Variants in DOCK9 observed in about 807,000 individuals in gnomAD.
DOCK9 encodes dedicator of cytokinesis 9, also known as dedicator of cytokinesis protein 9.
DOCK9 carries 89 observed loss-of-function variants against 263.3 expected under a neutral mutation model. The ratio of observed to expected loss-of-function variants is 0.34; its 90% confidence interval spans 0.28 to 0.40. The LOEUF is 0.40. Among genes scored for constraint, DOCK9 ranks in the 10% least tolerant of loss-of-function variants. DOCK9 has a pLI of 1.00. For synonymous variants in DOCK9, 976 were observed against 973.1 expected, an observed-to-expected ratio of 1.00 and a Z score of -0.06; for missense variants, 2,140 against 2,603.4, an observed-to-expected ratio of 0.82 and a Z score of 3.87.
intron 3 of DOCK9, among the ~76,000 whole-genome samples, chr13:98,926,883 A>G (rs2053057520): frequency 6.6e-6 from 1 of 152,248 alleles, no homozygotes; most frequent in African/African-American, 2.4e-5. Context: ...AACATGAACA[A>G]CGTCTCTATT....
exon 1 of DOCK9, chr13:99,086,547 A>C: frequency 5.3e-6 from 1 of 189,346 alleles, no homozygotes; most frequent in Non-Finnish European, 9.6e-6. Context: ...TCACGCCCCA[A>C]GGCGCCCCCC....
chr13:98,893,902 C>T (rs2046998657), intron 15 of DOCK9, among the ~76,000 whole-genome samples: 1 of 152,204 alleles, frequency 6.6e-6, no homozygotes, highest in South Asian at 2.1e-4. Context: ...TCTATGCTGT[C>T]ACCATCGGAT....
At chr13:99,006,504 C>A (rs1162364927) in intron 1 of DOCK9, among the ~76,000 whole-genome samples, 4 of 152,148 alleles carry the variant, frequency 2.6e-5, no homozygotes, top group Non-Finnish European at 5.9e-5. Flanking sequence ...GAATACTATA[C>A]ATATGTTAAA....
chr13:98,996,818 G>C (rs571414748), intron 1 of DOCK9, among the ~76,000 whole-genome samples: 1 of 152,292 alleles, frequency 6.6e-6, no homozygotes, highest in Non-Finnish European at 1.5e-5. Flanking sequence ...ACCTTCCTTG[G>C]TTTTATTGTT....
At chr13:98,840,434 G>T (rs577361006) in intron 38 of DOCK9, among the ~76,000 whole-genome samples, 136 of 152,214 alleles carry the variant, frequency 8.9e-4, no homozygotes, top group Non-Finnish European at 1.7e-3. Flanking sequence ...ACGGTCCTTC[G>T]GATTCACTGC....
At chr13:98,973,892 G>A (rs999142890) in intron 1 of DOCK9, among the ~76,000 whole-genome samples, 20 of 152,192 alleles carry the variant, frequency 1.3e-4, no homozygotes, top group East Asian at 3.9e-4. Context: ...CACAGTGCCC[G>A]CTGATCCTTT....
chr13:99,075,355 CTTT>C (rs142464481), intron 1 of DOCK9, among the ~76,000 whole-genome samples: 3 of 121,974 alleles, frequency 2.5e-5, no homozygotes, highest in Non-Finnish European at 5.0e-5. Context: ...AGCTGTAGTA[CTTT>C]TTTTTTTTTT....
intron 1 of DOCK9, among the ~76,000 whole-genome samples, chr13:99,005,738 A>G (rs2141877460): frequency 6.6e-6 from 1 of 152,328 alleles, no homozygotes; most frequent in Admixed American, 6.5e-5. Flanking sequence ...GTCAGCTGAT[A>G]ATATTTATCA....
At chr13:99,066,064 A>C (rs2041400949) in intron 1 of DOCK9, among the ~76,000 whole-genome samples, 1 of 152,244 alleles carries the variant, frequency 6.6e-6, no homozygotes, top group South Asian at 2.1e-4. Flanking sequence ...CATGACCCAC[A>C]CACGTCCTGA....
intron 1 of DOCK9, among the ~76,000 whole-genome samples, chr13:98,999,972 T>G (rs758535008): frequency 1.3e-4 from 20 of 152,090 alleles, no homozygotes; most frequent in Non-Finnish European, 2.2e-4. Flanking sequence ...GGCAAAGAAC[T>G]GGTTAAAAAA....
Position 99,038,092 on chromosome 13 carries a change from C to T in DOCK9, c.129+48131G>A, listed in dbSNP as rs537827138. 5.0e-4 allele frequency among the ~76,000 whole-genome samples: 76 copies of T among 152,094 alleles called. 1 individual carries two copies. The highest frequency in any genetic ancestry group is 4.9e-3 in the Admixed American group (75 of 15,272). On this transcript the variant is annotated intron_variant, in intron 1 of 32. Transcript: ENST00000427887. ...TTTTAAATATGTGCAGTTTAATGTACATCAATTATCATCAATAAAGTGATT... is the reference window on the plus strand; with the variant it reads ...TTTTAAATATGTGCAGTTTAATGTATATCAATTATCATCAATAAAGTGATT...
At chr13:98,973,286 A>G (rs1423625731) in intron 1 of DOCK9, among the ~76,000 whole-genome samples, 2 of 152,186 alleles carry the variant, frequency 1.3e-5, no homozygotes, top group African/African-American at 4.8e-5. Context: ...ATCATTGCCC[A>G]TAAGCTTATA....
chr13:99,022,012 T>C (rs544879161), intron 1 of DOCK9, among the ~76,000 whole-genome samples: 22 of 152,302 alleles, frequency 1.4e-4, no homozygotes, highest in African/African-American at 5.1e-4. Context: ...TAAGAAAGTA[T>C]TATTAAATAA....
chr13:98,977,904 C>G lies in DOCK9; in HGVS notation c.6G>C (p.Gln2His). ...TACTACTTGTCCTGCATTTATCAGC[C>G]TGCATTCTCGGCTGAAAACGCAAGT... The part of the protein sequence containing the change: M[Q>H]ADKCRTSSRS... The change falls in exon 1 of 53, where the codon CAG (glutamine) becomes CAC (histidine). Residue 2 changes from glutamine to histidine, a missense_variant. Gln to His is a conservative substitution (Grantham distance 24). Coordinates refer to ENST00000682017, the MANE Select transcript of DOCK9 (RefSeq NM_001366683.2). The G allele has an allele frequency of 6.3e-7, 1 of 1,587,584 alleles. No individual in the cohort carries two copies.
chr13:99,032,249 T>C (rs1013122831), intron 1 of DOCK9, among the ~76,000 whole-genome samples: 2 of 152,156 alleles, frequency 1.3e-5, no homozygotes, highest in African/African-American at 4.8e-5. Flanking sequence ...GGCAGGCCGA[T>C]TGTCTAAGCT....
intron 1 of DOCK9, 131 bp downstream of exon 1, chr13:98,977,653 G>A (rs1875328665): frequency 2.9e-6 from 2 of 698,092 alleles, no homozygotes; most frequent in Admixed American, 6.3e-5. Context: ...GGGAAAGAGT[G>A]GAGTTCACAA....
intron 23 of DOCK9, 34 bp downstream of exon 23, chr13:98,883,008 C>A (rs138091360): frequency 2.5e-6 from 4 of 1,585,632 alleles, no homozygotes; most frequent in Non-Finnish European, 2.6e-6. Flanking sequence ...TCCAAACTCA[C>A]TTAAAAGGGG....
intron 50 of DOCK9, 33 bp from the exon 51 acceptor site, chr13:98,797,522 A>G (rs1415542421): frequency 1.3e-6 from 2 of 1,559,374 alleles, no homozygotes; most frequent in South Asian, 2.3e-5. Context: ...CAGTTCCACT[A>G]GGAAGAAAAT....
At chr13:98,977,534 C>T (rs1875244900) in intron 1 of DOCK9, among the ~76,000 whole-genome samples, 1 of 152,118 alleles carries the variant, frequency 6.6e-6, no homozygotes, top group African/African-American at 2.4e-5. Flanking sequence ...GTGAACAATA[C>T]ATAATTGTCC....
Sources: allele counts gnomAD v4.1 joint callset (sites outside exome capture counted in the v4.1 genomes callset), GRCh38; gene constraint gnomAD v4.1.1; transcripts MANE v1.5; gene names NCBI Gene and HGNC (gene_info 2026-07-23, HGNC 2026-07-21).